FSD1L: variants seen among roughly 807,000 people sequenced by gnomAD.
FSD1L encodes FSD1-like protein.
In FSD1L, 45 loss-of-function variants were observed where a neutral mutation model predicts 71.6. That is an observed-to-expected ratio of 0.63 (90% confidence interval 0.49 to 0.81). FSD1L has a LOEUF of 0.81. FSD1L is among the 30% of genes least tolerant of loss of function. The pLI is 0.00. For synonymous variants in FSD1L, 197 were observed against 207.2 expected, an observed-to-expected ratio of 0.95 and a Z score of 0.42; for missense variants, 561 against 618.1, an observed-to-expected ratio of 0.91 and a Z score of 0.98.
chr9:105,465,003 G>GT (rs1318595593), intron 3 of FSD1L, among the ~76,000 whole-genome samples: 1 of 152,040 alleles, frequency 6.6e-6, no homozygotes. Context: ...AATGTTATTG[G>GT]TAAGGGGTCT....
chr9:105,442,625 T>C, the FSD1L span, among the ~76,000 whole-genome samples: 1 of 151,592 alleles, frequency 6.6e-6, no homozygotes, highest in African/African-American at 2.4e-5. Context: ...GAGGCGGAGG[T>C]TGCAGTGAGC....
chr9:105,468,460 T>G, intron 4 of FSD1L, 136 bp downstream of exon 4: 8 of 615,686 alleles, frequency 1.3e-5, no homozygotes, highest in East Asian at 3.7e-5. Context: ...GTTTTGGCCA[T>G]AAGTATTCTA....
chr9:105,476,698 T>C (rs1003109714), intron 5 of FSD1L, among the ~76,000 whole-genome samples: 1 of 152,190 alleles, frequency 6.6e-6, no homozygotes, highest in African/African-American at 2.4e-5. Context: ...GTTCTTGAAA[T>C]AGAGGAATAG....
chr9:105,475,899 A>G (rs1449728730), intron 5 of FSD1L, among the ~76,000 whole-genome samples: 1 of 152,200 alleles, frequency 6.6e-6, no homozygotes, highest in Non-Finnish European at 1.5e-5. Context: ...GTATGGAATC[A>G]ACTGGTGTGC....
chr9:105,541,640 G>T (rs1392278111), intron 13 of FSD1L, among the ~76,000 whole-genome samples: 1 of 151,988 alleles, frequency 6.6e-6, no homozygotes, highest in Non-Finnish European at 1.5e-5. Context: ...TTGTGTACAA[G>T]ATTAATTTTT....
chr9:105,471,904 A>G lies in FSD1L; in HGVS notation c.340A>G (p.Ser114Gly), dbSNP rs1420886453. Reference sequence around the variant, plus strand: ...TTAGTTTTTTTTTTTTTTTCCCTAGAGTCAGATTAGTCAATGTAATAATGC... The same window carrying G: ...TTAGTTTTTTTTTTTTTTTCCCTAGGGTCAGATTAGTCAATGTAATAATGC... ...EQARKSQELQ[S>G]QISQCNNALE... Residue 114 changes from serine (S) to glycine (G), a missense_variant and splice_region_variant, in exon 5 of 14, where the codon AGT (serine) becomes GGT (glycine). Ser to Gly is a moderately conservative substitution (Grantham distance 56). Coordinates refer to ENST00000481272, the MANE Select transcript of FSD1L (RefSeq NM_001145313.3). The G allele has an allele frequency of 1.1e-5, 12 of 1,079,106 alleles. No individual in the cohort carries two copies. Among genetic ancestry groups the G allele is most frequent in the Non-Finnish European group, 1.4e-5 (11 of 802,726 alleles). 66.8% of individuals were successfully genotyped at this position (1,079,106 alleles called of 1,614,324 possible).
At chr9:105,452,884 G>A (rs1316307657) in intron 1 of FSD1L, among the ~76,000 whole-genome samples, 1 of 151,914 alleles carries the variant, frequency 6.6e-6, no homozygotes, top group African/African-American at 2.4e-5. Flanking sequence ...ACAGGTGCAT[G>A]CCACCATATA....
intron 9 of FSD1L, among the ~76,000 whole-genome samples, chr9:105,509,630 C>T (rs191197810): frequency 5.3e-4 from 80 of 151,140 alleles, no homozygotes; most frequent in African/African-American, 1.9e-3. Flanking sequence ...TGGAGGATGA[C>T]AAAAAAAATC....
At chr9:105,477,220 T>C (rs1831863663) in intron 5 of FSD1L, among the ~76,000 whole-genome samples, 1 of 152,176 alleles carries the variant, frequency 6.6e-6, no homozygotes, top group Non-Finnish European at 1.5e-5. Context: ...CATTGGGTTA[T>C]GCAAGGGTGA....
chr9:105,455,501 T>C (rs1343411722), intron 1 of FSD1L, among the ~76,000 whole-genome samples: 1 of 152,220 alleles, frequency 6.6e-6, no homozygotes, highest in East Asian at 1.9e-4. Flanking sequence ...GAATGTTACA[T>C]GCTGATTTGA....
chr9:105,471,611 G>A (rs906062347), intron 4 of FSD1L, among the ~76,000 whole-genome samples: 2 of 151,602 alleles, frequency 1.3e-5, no homozygotes, highest in African/African-American at 4.8e-5. Context: ...TTTAAATGAT[G>A]AGTGTATCTT....
intron 4 of FSD1L, among the ~76,000 whole-genome samples, chr9:105,470,597 TTA>T (rs1347949943): frequency 3.9e-5 from 6 of 152,084 alleles, no homozygotes; most frequent in African/African-American, 1.4e-4. Context: ...TTGATTTGAG[TTA>T]TAGATATCTT....
At chr9:105,521,851 T>G in intron 10 of FSD1L, 2 of 1,612,448 alleles carry the variant, frequency 1.2e-6, no homozygotes, top group Non-Finnish European at 1.7e-6. Context: ...GTGTTTATTA[T>G]AAACTCATCA....
At chr9:105,545,136 C>G (rs993291786) in intron 13 of FSD1L, among the ~76,000 whole-genome samples, 11 of 151,908 alleles carry the variant, frequency 7.2e-5, no homozygotes, top group Admixed American at 5.2e-4. Context: ...TTGAAGAGGT[C>G]TTTCACATCC....
intron 1 of FSD1L, among the ~76,000 whole-genome samples, chr9:105,456,056 G>C (rs554606304): frequency 6.6e-6 from 1 of 152,192 alleles, no homozygotes; most frequent in Non-Finnish European, 1.5e-5. Flanking sequence ...CTGATTTGGG[G>C]TTATAACCTG....
intron 1 of FSD1L, among the ~76,000 whole-genome samples, chr9:105,456,115 T>C (rs1272625790): frequency 1.3e-5 from 2 of 152,208 alleles, no homozygotes; most frequent in Non-Finnish European, 2.9e-5. Context: ...AGATTTCTAA[T>C]CTTGAAGTAA....
intron 3 of FSD1L, among the ~76,000 whole-genome samples, chr9:105,465,624 C>A (rs1010859524): frequency 1.3e-5 from 2 of 151,992 alleles, no homozygotes; most frequent in Admixed American, 6.6e-5. Context: ...ATGTGATACA[C>A]CATATTAACA....
rs111570206 is a variant in FSD1L at position 105,450,298 on chromosome 9, A to G, written c.15+2063A>G. On this transcript the variant is annotated intron_variant, in intron 1 of 13. Coordinates refer to ENST00000481272, the MANE Select transcript of FSD1L (RefSeq NM_001145313.3). ...GTAGTACCTCAGTCAGTAGAGTATAAGAAAAATAGGTACTGCAAAGTGTGA... is the reference window on the plus strand; with the variant it reads ...GTAGTACCTCAGTCAGTAGAGTATAGGAAAAATAGGTACTGCAAAGTGTGA... 6.3e-3 allele frequency among the ~76,000 whole-genome samples: 952 copies of G among 152,320 alleles called. 16 individuals are homozygous for G. The highest frequency in any genetic ancestry group is 0.022 in the African/African-American group (903 of 41,566).
intron 4 of FSD1L, among the ~76,000 whole-genome samples, chr9:105,469,854 A>G (rs1831337062): frequency 6.6e-6 from 1 of 152,142 alleles, no homozygotes; most frequent in Admixed American, 6.5e-5. Flanking sequence ...ATACAGTGTT[A>G]TGAAGCTTTT....
Sources: gnomAD v4.1 joint callset for allele counts (sites outside exome capture counted in the v4.1 genomes callset) on GRCh38, gnomAD v4.1.1 for gene constraint, MANE v1.5 for transcripts, NCBI Gene and HGNC (gene_info 2026-07-23, HGNC 2026-07-21) for gene names.